The following DOCK3 variants were observed in gnomAD, a reference collection of about 807,000 sequenced individuals.
The protein encoded by DOCK3 is dedicator of cytokinesis 3.
DOCK3 carries 60 observed loss-of-function variants against 265.6 expected under a neutral mutation model. The ratio of observed to expected loss-of-function variants is 0.23; its 90% CI spans 0.18 to 0.28. DOCK3 has a LOEUF of 0.28. DOCK3 is among the 10% of genes least tolerant of loss of function. DOCK3 has a pLI of 1.00. For missense variants in DOCK3, 1,981 were observed against 2,594.3 expected (o/e 0.76, Z 5.14); for synonymous variants, 881 against 938.0 (o/e 0.94, Z 1.11).
chr3:51,006,724 T>A (rs1057011211), intron 5 of DOCK3, among the ~76,000 whole-genome samples: 1 of 152,156 alleles, frequency 6.6e-6, no homozygotes, highest in Non-Finnish European at 1.5e-5. Context: ...GCTGCACCCA[T>A]TAACTCATCA....
At chr3:51,229,409 C>A in intron 18 of DOCK3, 103 bp from the exon 19 acceptor site, 3 of 723,576 alleles carry the variant, frequency 4.1e-6, no homozygotes, top group Non-Finnish European at 6.3e-6. Context: ...TGAGATCATA[C>A]AACCGCACTC....
intron 24 of DOCK3, among the ~76,000 whole-genome samples, chr3:51,272,995 C>T (rs1215059301): frequency 6.6e-6 from 1 of 151,902 alleles, no homozygotes; most frequent in Admixed American, 6.6e-5. Flanking sequence ...AACCCTGTCT[C>T]TACTAAAAAT....
chr3:50,932,535 T>C (rs770951928), intron 4 of DOCK3, among the ~76,000 whole-genome samples: 3 of 152,232 alleles, frequency 2.0e-5, no homozygotes, highest in Non-Finnish European at 4.4e-5. Flanking sequence ...ATTATCAAGT[T>C]AGTCCCCGTG....
At chr3:50,865,878 T>C (rs1195185085) in intron 3 of DOCK3, among the ~76,000 whole-genome samples, 1 of 152,204 alleles carries the variant, frequency 6.6e-6, no homozygotes, top group Non-Finnish European at 1.5e-5. Flanking sequence ...CATTGTAGTT[T>C]TGGTTTGTAT....
At chr3:51,108,782 G>T (rs1445616101) in intron 9 of DOCK3, among the ~76,000 whole-genome samples, 1 of 151,988 alleles carries the variant, frequency 6.6e-6, no homozygotes, top group African/African-American at 2.4e-5. Flanking sequence ...AGATCAAAAA[G>T]ACAAAAGAGC....
Position 51,065,732 on chromosome 3 carries a change from T to C in DOCK3, c.464+1136T>C, listed in dbSNP as rs541950592. 3.3e-5 allele frequency among the ~76,000 whole-genome samples: 5 copies of C among 152,348 alleles called. No individual in the cohort carries two copies. In the East Asian group the frequency reaches 9.6e-4, roughly 29 times the overall value. ...GGCATTTAAGGACTTTAAAGTATAA[T>C]GAGCAGATTGCTCCCGCTTACCAGA... On this transcript the variant is annotated intron_variant, in intron 6 of 52. Transcript: ENST00000266037.
At chr3:51,313,733 G>A (rs1286561590) in intron 31 of DOCK3, among the ~76,000 whole-genome samples, 1 of 152,170 alleles carries the variant, frequency 6.6e-6, no homozygotes, top group South Asian at 2.1e-4. Context: ...GCAGCAAGTA[G>A]GATATGAAGT....
chr3:50,810,151 G>C (rs1180302316), intron 2 of DOCK3, among the ~76,000 whole-genome samples: 1 of 152,080 alleles, frequency 6.6e-6, no homozygotes, highest in Admixed American at 6.6e-5. Flanking sequence ...ATCTTTTTAA[G>C]GGTGTGTGTG....
chr3:51,107,216 G>A (rs957021810), intron 9 of DOCK3, among the ~76,000 whole-genome samples: 1 of 152,180 alleles, frequency 6.6e-6, no homozygotes, highest in Non-Finnish European at 1.5e-5. Flanking sequence ...CCAAAGGATA[G>A]CAGGTTCAAA....
intron 5 of DOCK3, among the ~76,000 whole-genome samples, chr3:51,052,972 T>C (rs1032887261): frequency 3.3e-5 from 5 of 150,802 alleles, no homozygotes; most frequent in Admixed American, 2.0e-4. Context: ...AGGGCTAAAT[T>C]GAGACTGCTT....
intron 1 of DOCK3, among the ~76,000 whole-genome samples, chr3:50,762,587 A>G (rs2040601119): frequency 6.6e-6 from 1 of 152,194 alleles, no homozygotes; most frequent in African/African-American, 2.4e-5. Context: ...AGATCTTGTC[A>G]TCTTTAAATG....
chr3:51,284,670 A>G (rs545848893), intron 27 of DOCK3, among the ~76,000 whole-genome samples: 1 of 152,256 alleles, frequency 6.6e-6, no homozygotes, highest in African/African-American at 2.4e-5. Context: ...CTAATGGAGC[A>G]AACAAACAAT....
chr3:51,104,013 A>G (rs2083182822), intron 9 of DOCK3, among the ~76,000 whole-genome samples: 1 of 152,246 alleles, frequency 6.6e-6, no homozygotes, highest in Non-Finnish European at 1.5e-5. Flanking sequence ...TTAGAAAAAT[A>G]AAGCAGAGAA....
chr3:51,305,666 G>A (rs1407874005), intron 27 of DOCK3, among the ~76,000 whole-genome samples: 6 of 149,472 alleles, frequency 4.0e-5, no homozygotes, highest in African/African-American at 1.2e-4. Flanking sequence ...GCCTTCTTTT[G>A]TGTTAAATGT....
intron 1 of DOCK3, among the ~76,000 whole-genome samples, chr3:50,724,009 C>A (rs184608585): frequency 0.02 from 2,974 of 152,126 alleles, 36 homozygotes; most frequent in Non-Finnish European, 0.029. Flanking sequence ...AAGAAAAAAA[C>A]AACCCCATCA....
chr3:51,328,598 C>T (rs563566705), intron 32 of DOCK3, among the ~76,000 whole-genome samples: 1 of 147,320 alleles, frequency 6.8e-6, no homozygotes, highest in African/African-American at 2.6e-5. Flanking sequence ...TGTAGCAGAC[C>T]ACTATTAAAA....
intron 5 of DOCK3, among the ~76,000 whole-genome samples, chr3:51,003,902 C>T (rs2078571453): frequency 6.6e-6 from 1 of 152,148 alleles, no homozygotes; most frequent in African/African-American, 2.4e-5. Context: ...AAAATTAATA[C>T]ACTTAAAGTA....
intron 4 of DOCK3, among the ~76,000 whole-genome samples, chr3:50,918,238 A>G (rs915328142): frequency 1.3e-5 from 2 of 152,112 alleles, no homozygotes; most frequent in African/African-American, 2.4e-5. Context: ...ATGTGTCTTT[A>G]TAGTAGCATG....
intron 4 of DOCK3, among the ~76,000 whole-genome samples, chr3:50,928,302 C>A (rs1405893316): frequency 6.6e-6 from 1 of 152,002 alleles, no homozygotes; most frequent in Non-Finnish European, 1.5e-5. Flanking sequence ...CAGTTACTCC[C>A]CATTCTCCCT....
Sources: gnomAD v4.1 joint callset for allele counts (sites outside exome capture counted in the v4.1 genomes callset) on GRCh38, gnomAD v4.1.1 for gene constraint, MANE v1.5 for transcripts, NCBI Gene and HGNC (gene_info 2026-07-23, HGNC 2026-07-21) for gene names.